NRG1: variants seen among roughly 807,000 people sequenced by gnomAD.
NRG1 encodes pro-neuregulin-1, membrane-bound isoform.
In NRG1, 18 loss-of-function variants were observed where a neutral mutation model predicts 63.8. The observed-to-expected ratio is 0.28, with a 90% CI of 0.19 to 0.42. The LOEUF (loss-of-function observed/expected upper bound fraction) is 0.42. Among genes scored for constraint, NRG1 ranks in the 10% least tolerant of loss-of-function variants. The pLI, the probability that NRG1 is intolerant of heterozygous loss-of-function variation, is 1.00. For missense variants in NRG1, 762 were observed against 814.7 expected (o/e 0.94, Z 0.79); for synonymous variants, 302 against 301.3 (o/e 1.00, Z -0.02).
At chr8:32,376,483 C>T (rs1809641514) in intron 1 of NRG1, among the ~76,000 whole-genome samples, 1 of 152,158 alleles carries the variant, frequency 6.6e-6, no homozygotes, top group African/African-American at 2.4e-5. Flanking sequence ...TACCTAGGTA[C>T]CTGGCCAATA....
intron 1 of NRG1, among the ~76,000 whole-genome samples, chr8:31,821,168 T>A (rs1347354573): frequency 6.6e-6 from 1 of 152,216 alleles, no homozygotes; most frequent in African/African-American, 2.4e-5. Context: ...TCAATACAGA[T>A]GCAATGTTTT....
At chr8:32,373,560 G>T (rs563722424) in intron 1 of NRG1, among the ~76,000 whole-genome samples, 1 of 152,228 alleles carries the variant, frequency 6.6e-6, no homozygotes, top group African/African-American at 2.4e-5. Flanking sequence ...TAATGGGATG[G>T]TATTAAGTAA....
chr8:32,567,015 GTA>G (rs1837574732), intron 1 of NRG1, among the ~76,000 whole-genome samples: 1 of 152,116 alleles, frequency 6.6e-6, no homozygotes. Flanking sequence ...GCTAATTTTT[GTA>G]TTTTTCGTAG....
At chr8:32,165,685 T>G (rs971565345) in intron 1 of NRG1, among the ~76,000 whole-genome samples, 1 of 152,168 alleles carries the variant, frequency 6.6e-6, no homozygotes, top group Non-Finnish European at 1.5e-5. Context: ...ATATAATCAT[T>G]CTGTTTCATG....
chr8:32,129,853 T>A (rs1196740173), intron 1 of NRG1, among the ~76,000 whole-genome samples: 2 of 151,976 alleles, frequency 1.3e-5, no homozygotes, highest in Non-Finnish European at 2.9e-5. Flanking sequence ...CAAAGGCTAT[T>A]TATCCCAAAT....
intron 1 of NRG1, among the ~76,000 whole-genome samples, chr8:31,884,649 A>C (rs990268425): frequency 2.0e-5 from 3 of 152,182 alleles, no homozygotes; most frequent in African/African-American, 7.2e-5. Context: ...TGAAACACAC[A>C]GCAAATGGAG....
intron 5 of NRG1, among the ~76,000 whole-genome samples, chr8:32,690,287 C>T (rs1331739364): frequency 6.6e-6 from 1 of 152,078 alleles, no homozygotes; most frequent in Non-Finnish European, 1.5e-5. Flanking sequence ...CCCTTAATTC[C>T]ACTGGTCCCA....
At chr8:31,951,843 T>C (rs927444196) in intron 1 of NRG1, among the ~76,000 whole-genome samples, 1 of 152,196 alleles carries the variant, frequency 6.6e-6, no homozygotes, top group African/African-American at 2.4e-5. Context: ...AAGCATGACA[T>C]GACATAAAAC....
intron 1 of NRG1, among the ~76,000 whole-genome samples, chr8:31,954,591 A>G (rs1364247225): frequency 6.6e-6 from 1 of 152,138 alleles, no homozygotes. Flanking sequence ...TCCTTTAATT[A>G]AATTAGTTTT....
chr8:31,652,113 A>G (rs1405384205), intron 1 of NRG1, among the ~76,000 whole-genome samples: 2 of 152,210 alleles, frequency 1.3e-5, no homozygotes, highest in African/African-American at 4.8e-5. Context: ...GTGCCAGAGT[A>G]GTAGGCGCTG....
At chr8:32,194,089 A>G (rs1358414080) in intron 1 of NRG1, among the ~76,000 whole-genome samples, 1 of 152,208 alleles carries the variant, frequency 6.6e-6, no homozygotes, top group Non-Finnish European at 1.5e-5. Flanking sequence ...TTATGTGCTC[A>G]TCTAGCATAC....
intron 1 of NRG1, among the ~76,000 whole-genome samples, chr8:32,321,517 T>C (rs1315895694): frequency 7.0e-6 from 1 of 142,706 alleles, no homozygotes; most frequent in African/African-American, 2.8e-5. Flanking sequence ...TGGGTTTTTT[T>C]TTTTTCTTCT....
chr8:31,728,581 G>A (rs1813692767), intron 1 of NRG1, among the ~76,000 whole-genome samples: 1 of 152,024 alleles, frequency 6.6e-6, no homozygotes, highest in South Asian at 2.1e-4. Context: ...AAAACCAAAA[G>A]GGTGCATCAA....
chr8:32,573,188 T>C (rs1782636169), intron 1 of NRG1, among the ~76,000 whole-genome samples: 1 of 152,230 alleles, frequency 6.6e-6, no homozygotes. Context: ...CCCATTCTGC[T>C]GTCTGTCTTT....
intron 1 of NRG1, among the ~76,000 whole-genome samples, chr8:32,360,037 C>T (rs983257134): frequency 2.0e-5 from 3 of 152,120 alleles, no homozygotes; most frequent in Non-Finnish European, 4.4e-5. Context: ...GACTAAGTTC[C>T]GTGGATGTCT....
intron 1 of NRG1, among the ~76,000 whole-genome samples, chr8:31,828,304 CT>C (rs1013361149): frequency 6.6e-6 from 1 of 152,152 alleles, no homozygotes; most frequent in African/African-American, 2.4e-5. Context: ...AAATAACTTG[CT>C]TTTTACTCTT....
intron 1 of NRG1, among the ~76,000 whole-genome samples, chr8:32,484,371 TGC>T (rs1309682181): frequency 1.3e-5 from 2 of 152,192 alleles, no homozygotes; most frequent in Non-Finnish European, 2.9e-5. Context: ...CTGGCTGATG[TGC>T]ACAAAACATG....
At chr8:32,447,605 C>T (rs76785101) in intron 1 of NRG1, among the ~76,000 whole-genome samples, 5,570 of 152,134 alleles carry the variant, frequency 0.037, 164 homozygotes, top group Admixed American at 0.063. Context: ...GCAGTGGCTC[C>T]CACCTCTAAT....
chr8:32,161,889 G>T (rs1014085923), intron 1 of NRG1, among the ~76,000 whole-genome samples: 1 of 152,158 alleles, frequency 6.6e-6, no homozygotes, highest in Non-Finnish European at 1.5e-5. Context: ...ACACTTAACT[G>T]CTTTGGTTTG....
Sources: allele counts gnomAD v4.1 joint callset (sites outside exome capture counted in the v4.1 genomes callset), GRCh38; gene constraint gnomAD v4.1.1; transcripts MANE v1.5; gene names NCBI Gene and HGNC (gene_info 2026-07-23, HGNC 2026-07-21).